RNLS: variants seen among roughly 807,000 people sequenced by gnomAD.
RNLS encodes renalase.
Under a neutral mutation model 39.8 loss-of-function variants are expected in RNLS, and 39 were observed. That is an observed-to-expected ratio of 0.98 (90% CI 0.76 to 1.28). The LOEUF (loss-of-function observed/expected upper bound fraction) is 1.28, where lower values mean the gene tolerates loss of function less well. RNLS is among the 50% of genes most tolerant of loss of function. The pLI, the probability that RNLS is intolerant of heterozygous loss-of-function variation, is 0.00. For synonymous variants in RNLS, 147 were observed against 150.7 expected (o/e 0.98, Z 0.18); for missense variants, 410 against 413.3 (o/e 0.99, Z 0.07).
At chr10:88,390,000 C>T (rs1241093016) in intron 4 of RNLS, among the ~76,000 whole-genome samples, 5 of 152,164 alleles carry the variant, frequency 3.3e-5, no homozygotes, top group African/African-American at 1.2e-4. Flanking sequence ...GCATTTGCAA[C>T]AATATTCATA....
the RNLS span, among the ~76,000 whole-genome samples, chr10:88,205,616 G>C: frequency 6.6e-6 from 1 of 152,160 alleles, no homozygotes; most frequent in Non-Finnish European, 1.5e-5. Context: ...CAAGGTACTA[G>C]ACTGCTGGTA....
intron 4 of RNLS, among the ~76,000 whole-genome samples, chr10:88,437,925 G>A (rs987943530): frequency 9.2e-5 from 14 of 151,982 alleles, no homozygotes; most frequent in East Asian, 1.9e-4. Context: ...TTGGGAGTTC[G>A]AGACCAGCCT....
At chr10:88,432,134 A>C (rs913509155) in intron 4 of RNLS, among the ~76,000 whole-genome samples, 2 of 151,384 alleles carry the variant, frequency 1.3e-5, no homozygotes, top group Non-Finnish European at 3.0e-5. Context: ...TGTATTTTGC[A>C]ATTTGGTAAT....
downstream of RNLS, among the ~76,000 whole-genome samples, chr10:88,282,734 TCTC>T (rs1475895808): frequency 6.6e-6 from 1 of 152,048 alleles, no homozygotes; most frequent in Non-Finnish European, 1.5e-5. Context: ...GACATACTCT[TCTC>T]CTTCAGAAAT....
chr10:88,558,184 G>A (rs1271254131), intron 4 of RNLS, among the ~76,000 whole-genome samples: 1 of 152,086 alleles, frequency 6.6e-6, no homozygotes, highest in Non-Finnish European at 1.5e-5. Flanking sequence ...AAATTGCTAG[G>A]AGAGGGGCAA....
the RNLS span, among the ~76,000 whole-genome samples, chr10:88,268,035 T>C: frequency 1.3e-5 from 2 of 152,206 alleles, no homozygotes; most frequent in Admixed American, 1.3e-4. Context: ...AAAGAAGGTA[T>C]TCGAGACAAC....
the RNLS span, among the ~76,000 whole-genome samples, chr10:88,233,853 G>A: frequency 6.6e-6 from 1 of 152,002 alleles, no homozygotes; most frequent in South Asian, 2.1e-4. Context: ...GCTTTTTAAA[G>A]AAAATGTTAC....
At chr10:88,477,153 A>G (rs991811927) in intron 4 of RNLS, among the ~76,000 whole-genome samples, 5 of 152,148 alleles carry the variant, frequency 3.3e-5, no homozygotes, top group Non-Finnish European at 5.9e-5. Context: ...TTATTAGAAC[A>G]AGAACTGGAA....
At chr10:88,365,298 G>A (rs1168797885) in intron 4 of RNLS, among the ~76,000 whole-genome samples, 2 of 152,040 alleles carry the variant, frequency 1.3e-5, no homozygotes, top group East Asian at 1.9e-4. Flanking sequence ...TTAAAAAAAA[G>A]TCTTACTTTG....
chr10:88,500,216 A>G (rs1845398146), intron 4 of RNLS, among the ~76,000 whole-genome samples: 1 of 152,180 alleles, frequency 6.6e-6, no homozygotes, highest in South Asian at 2.1e-4. Flanking sequence ...TTCCTGGTGT[A>G]GTCTGAACAG....
At chr10:88,575,177 CACAT>C (rs1430684922) in intron 3 of RNLS, among the ~76,000 whole-genome samples, 2,695 of 81,968 alleles carry the variant, frequency 0.033, 52 homozygotes, top group Middle Eastern at 0.041. Context: ...CACACACACA[CACAT>C]ATTATATATA....
intron 6 of RNLS, among the ~76,000 whole-genome samples, chr10:88,313,803 A>C (rs1306246347): frequency 6.6e-6 from 1 of 152,212 alleles, no homozygotes; most frequent in Non-Finnish European, 1.5e-5. Flanking sequence ...TACTGAGTTT[A>C]CGGATCAAAA....
At chr10:88,334,427 G>A (rs1490682135) in intron 5 of RNLS, among the ~76,000 whole-genome samples, 10 of 152,186 alleles carry the variant, frequency 6.6e-5, no homozygotes, top group Non-Finnish European at 1.2e-4. Flanking sequence ...TCCATGTAAA[G>A]TGAGAAGTTC....
At chr10:88,322,845 T>A (rs192771665) in intron 5 of RNLS, among the ~76,000 whole-genome samples, 3 of 152,250 alleles carry the variant, frequency 2.0e-5, no homozygotes, top group Non-Finnish European at 4.4e-5. Flanking sequence ...AGTAGAATTA[T>A]CTCTGCTAGC....
At chr10:88,450,966 C>A (rs1213523069) in intron 4 of RNLS, among the ~76,000 whole-genome samples, 1 of 140,356 alleles carries the variant, frequency 7.1e-6, no homozygotes, top group Non-Finnish European at 1.5e-5. Flanking sequence ...AAGAACTTGG[C>A]TCAGGAGGAG....
intron 4 of RNLS, among the ~76,000 whole-genome samples, chr10:88,421,083 T>C (rs927841577): frequency 2.6e-5 from 4 of 152,218 alleles, no homozygotes; most frequent in African/African-American, 9.6e-5. Flanking sequence ...CCTTGGGAGA[T>C]GAGAGGCTGC....
chr10:88,441,764 C>T (rs564276217), intron 4 of RNLS, among the ~76,000 whole-genome samples: 89 of 152,174 alleles, frequency 5.8e-4, no homozygotes, highest in African/African-American at 2.0e-3. Flanking sequence ...TAAGATGGGC[C>T]GGAGATGCAA....
At chr10:88,287,087 C>T (rs1319084713) in intron 6 of RNLS, among the ~76,000 whole-genome samples, 1 of 152,116 alleles carries the variant, frequency 6.6e-6, no homozygotes. Context: ...CCATGCCTGG[C>T]TTACAGAGCC....
At chr10:88,499,392 A>G (rs1464576469) in intron 4 of RNLS, among the ~76,000 whole-genome samples, 1 of 152,074 alleles carries the variant, frequency 6.6e-6, no homozygotes, top group Non-Finnish European at 1.5e-5. Flanking sequence ...GCTTCTGAGC[A>G]TTTCTTTATA....
Sources: allele counts gnomAD v4.1 joint callset (sites outside exome capture counted in the v4.1 genomes callset), GRCh38; gene constraint gnomAD v4.1.1; transcripts MANE v1.5; gene names NCBI Gene and HGNC (gene_info 2026-07-23, HGNC 2026-07-21).